Variants in NLGN4X observed in about 807,000 individuals in gnomAD.
NLGN4X encodes neuroligin 4 X-linked, also known as neuroligin-4, X-linked.
Under a neutral mutation model 40.3 loss-of-function variants are expected in NLGN4X, and 3 were observed. That is an observed-to-expected ratio of 0.07 (90% CI 0.03 to 0.19). NLGN4X has a LOEUF of 0.19. NLGN4X is among the 10% of genes least tolerant of loss of function. NLGN4X has a pLI of 1.00. For missense variants in NLGN4X, 382 were observed against 708.3 expected (o/e 0.54, Z 5.23); for synonymous variants, 270 against 306.8 (o/e 0.88, Z 1.25).
rs185984326 is a variant in NLGN4X, at chrX:6,001,037, C to G, written c.625+28243G>C. 1.3e-4 allele frequency among the ~76,000 whole-genome samples: 15 copies of G among 111,581 alleles called. No individual in the cohort carries two copies. In the East Asian group the frequency reaches 4.0e-3, roughly 29 times the overall value. On this transcript the variant is annotated intron_variant, in intron 3 of 5. Transcript: ENST00000381095. The stretch of plus-strand genomic sequence containing the variant: ...GGGGAAGCAAATATGTCCTTCATCA[C>G]ATGGTGGTAGCAAGGAGAAGTGCTG...
intron 2 of NLGN4X, among the ~76,000 whole-genome samples, chrX:6,067,250 C>T (rs1163171864): frequency 8.9e-6 from 1 of 111,928 alleles, no homozygotes; most frequent in Non-Finnish European, 1.9e-5. Context: ...ATGATGCCTT[C>T]TTATGTGTTC....
rs775907671 is a variant in NLGN4X at position 5,917,257 on chromosome X, T to C, written c.626-8018A>G. On this transcript the variant is annotated intron_variant, in intron 3 of 5. Coordinates refer to ENST00000381095, the MANE Select transcript of NLGN4X (RefSeq NM_181332.3). Reference sequence around the variant, plus strand: ...CACCATTTGAAAGGTCAGTGTGACCTGAAGGTCAGTCTCTGCATCTTCCGC... The same window carrying C: ...CACCATTTGAAAGGTCAGTGTGACCCGAAGGTCAGTCTCTGCATCTTCCGC... Among the ~76,000 whole-genome samples the C allele has an allele frequency of 8.0e-5, 9 of 112,535 alleles. 1 individual carries two copies. The South Asian group carries it at 2.9e-3, about 37-fold the overall frequency.
intron 1 of NLGN4X, among the ~76,000 whole-genome samples, chrX:6,163,340 C>A (rs1026625761): frequency 2.7e-5 from 3 of 112,250 alleles, no homozygotes; most frequent in African/African-American, 9.7e-5. Flanking sequence ...CCACTGAATG[C>A]TTCCAAGGTG....
chrX:5,909,577 T>C (rs909006696), intron 3 of NLGN4X, among the ~76,000 whole-genome samples: 1 of 109,109 alleles, frequency 9.2e-6, no homozygotes. Context: ...CTGTGCACAT[T>C]TTCATTTTCT....
chrX:6,091,440 C>A (rs774324393), intron 2 of NLGN4X, among the ~76,000 whole-genome samples: 16 of 111,346 alleles, frequency 1.4e-4, no homozygotes, highest in African/African-American at 5.2e-4. Flanking sequence ...GAAAATGGAA[C>A]CCTCATGAAA....
chrX:6,227,706 G>C (rs887566315), intron 1 of NLGN4X: 5 of 111,014 alleles, frequency 4.5e-5, no homozygotes, highest in African/African-American at 1.6e-4. Context: ...TCATCTTCAC[G>C]CGGGGTCTCC....
In NLGN4X at chrX:5,984,035, C is replaced by T. The variant is rs1228151447; in HGVS notation, c.625+45245G>A. The stretch of plus-strand genomic sequence containing the variant: ...ATCTAATATATGCATAATTATAATA[C>T]TTAGACCATGAAGATATTAGTCAAT... On this transcript the variant is annotated intron_variant, in intron 3 of 5. Transcript: ENST00000381095. Among the ~76,000 whole-genome samples the T allele has an allele frequency of 3.6e-5, 4 of 110,760 alleles. No homozygotes were observed. The East Asian group carries it at 1.1e-3, about 31-fold the overall frequency.
intron 2 of NLGN4X, among the ~76,000 whole-genome samples, chrX:6,032,494 T>C (rs2036892795): frequency 9.1e-6 from 1 of 109,931 alleles, no homozygotes; most frequent in African/African-American, 3.3e-5. Flanking sequence ...TCACAGTGAT[T>C]TGTTTCCTGT....
chrX:6,005,471 G>A (rs1022481813), intron 3 of NLGN4X, among the ~76,000 whole-genome samples: 1 of 111,028 alleles, frequency 9.0e-6, no homozygotes, highest in African/African-American at 3.3e-5. Flanking sequence ...TGTCTGCAGC[G>A]GAACCATCAA....
chrX:6,004,349 T>G, intron 3 of NLGN4X, among the ~76,000 whole-genome samples: 1 of 112,337 alleles, frequency 8.9e-6, no homozygotes, highest in Non-Finnish European at 1.9e-5. Context: ...GATCCCATGT[T>G]CTGTCATTTT....
At chrX:6,100,780 G>A (rs2038890213) in intron 2 of NLGN4X, among the ~76,000 whole-genome samples, 1 of 100,908 alleles carries the variant, frequency 9.9e-6, no homozygotes, top group Non-Finnish European at 2.0e-5. Context: ...GACTCTGCAA[G>A]GTAGTACTGA....
chrX:5,897,946 G>T (rs2031597144), intron 5 of NLGN4X, among the ~76,000 whole-genome samples: 1 of 82,913 alleles, frequency 1.2e-5, no homozygotes, highest in Admixed American at 1.6e-4. Context: ...CCTTTTCCCT[G>T]TTTTCCTTCT....
At chrX:5,913,870 C>G (rs974964283) in intron 3 of NLGN4X, among the ~76,000 whole-genome samples, 1 of 111,559 alleles carries the variant, frequency 9.0e-6, no homozygotes, top group Non-Finnish European at 1.9e-5. Context: ...ATGCTGTTCT[C>G]ATGATAGTGA....
intron 4 of NLGN4X, among the ~76,000 whole-genome samples, chrX:5,904,443 T>A (rs148155110): frequency 0.026 from 2,938 of 112,307 alleles, 30 homozygotes; most frequent in Non-Finnish European, 0.034. Context: ...AATAAATACA[T>A]TCAGCTAGCT....
At chrX:6,091,258 G>A (rs1425854863) in intron 2 of NLGN4X, among the ~76,000 whole-genome samples, 2 of 111,593 alleles carry the variant, frequency 1.8e-5, no homozygotes, top group Non-Finnish European at 1.9e-5. Flanking sequence ...CTGTGAGGAC[G>A]TGAATACCTT....
At chrX:6,035,535 T>C (rs1177465645) in intron 2 of NLGN4X, among the ~76,000 whole-genome samples, 1 of 112,136 alleles carries the variant, frequency 8.9e-6, no homozygotes. Context: ...AATATCCAAT[T>C]GTCTCAGCAC....
chrX:5,990,461 A>G (rs1229529901), intron 3 of NLGN4X, among the ~76,000 whole-genome samples: 1 of 111,625 alleles, frequency 9.0e-6, no homozygotes, highest in Non-Finnish European at 1.9e-5. Flanking sequence ...TCTCTGCAAA[A>G]GCAAAGACCT....
chrX:6,025,790 G>A (rs1345194288), intron 3 of NLGN4X, among the ~76,000 whole-genome samples: 1 of 108,373 alleles, frequency 9.2e-6, no homozygotes, highest in Non-Finnish European at 1.9e-5. Flanking sequence ...TGTAATCCCA[G>A]CTACTGCGGA....
At chrX:5,901,751 T>C (rs2146722908) in intron 5 of NLGN4X, among the ~76,000 whole-genome samples, 1 of 108,461 alleles carries the variant, frequency 9.2e-6, no homozygotes, top group South Asian at 3.9e-4. Flanking sequence ...GTTATTTATA[T>C]AGCAGAGAAA....
Sources: allele counts gnomAD v4.1 joint callset (sites outside exome capture counted in the v4.1 genomes callset), GRCh38; gene constraint gnomAD v4.1.1; transcripts MANE v1.5; gene names NCBI Gene and HGNC (gene_info 2026-07-23, HGNC 2026-07-21).